The following GABRG1 variants were observed in gnomAD, a reference collection of about 807,000 sequenced individuals.
The protein encoded by GABRG1 is gamma-aminobutyric acid type A receptor subunit gamma1.
A neutral mutation model predicts 49.8 loss-of-function variants in GABRG1; 49 were observed. That is an observed-to-expected ratio of 0.98 (90% CI 0.78 to 1.25). GABRG1 has a LOEUF of 1.25. Ranked by LOEUF, GABRG1 falls within the 50% of genes most tolerant of loss-of-function variation. The pLI is 0.00. For missense variants in GABRG1, 552 were observed against 552.3 expected (o/e 1.00, Z 0.01); for synonymous variants, 232 against 185.1 (o/e 1.25, Z -2.06).
chr4:46,121,691 A>C (rs553944855), intron 1 of GABRG1, among the ~76,000 whole-genome samples: 13 of 152,130 alleles, frequency 8.5e-5, no homozygotes, highest in Admixed American at 1.3e-4. Flanking sequence ...CTCATTCTTA[A>C]AAATTATGTT....
At chr4:46,101,576 G>T (rs886383796) in intron 1 of GABRG1, among the ~76,000 whole-genome samples, 2 of 151,596 alleles carry the variant, frequency 1.3e-5, no homozygotes, top group African/African-American at 4.8e-5. Flanking sequence ...CTAAAAATGT[G>T]CTAAGTGCTA....
chr4:46,042,842 A>T (rs922822523), intron 8 of GABRG1, among the ~76,000 whole-genome samples: 2 of 151,970 alleles, frequency 1.3e-5, no homozygotes, highest in Non-Finnish European at 2.9e-5. Context: ...CTTGAGGATA[A>T]GGAGAAATGC....
rs183634810 is a variant in GABRG1 at position 46,106,891 on chromosome 4, C to A, written c.105-9542G>T. On this transcript the variant is annotated intron_variant, in intron 1 of 8. Coordinates refer to ENST00000295452, the MANE Select transcript of GABRG1 (RefSeq NM_173536.4). ...CCTAATTCATCTTTCCAGCTCCAAA[C>A]GCAACTACATTTAATCATTTTTTTA... is the stretch of plus-strand genomic sequence containing the variant. Among the ~76,000 whole-genome samples the A allele has an allele frequency of 3.3e-5, 5 of 150,988 alleles. No individual in the cohort carries two copies. The East Asian group carries it at 9.8e-4, about 30-fold the overall frequency.
At chr4:46,068,508 A>C (rs984054793) in intron 3 of GABRG1, among the ~76,000 whole-genome samples, 4 of 152,074 alleles carry the variant, frequency 2.6e-5, no homozygotes, top group Non-Finnish European at 5.9e-5. Context: ...TTTCCAAAGG[A>C]TCAGAAATGG....
intron 7 of GABRG1, among the ~76,000 whole-genome samples, chr4:46,054,722 T>TAAAGA (rs1718368101): frequency 1.1e-4 from 1 of 9,042 alleles, no homozygotes; most frequent in African/African-American, 7.0e-4. Flanking sequence ...TTGCTGAAGT[T>TAAAGA]GCTTATCAGC....
chr4:46,041,692 G>A (rs1717793302), intron 8 of GABRG1, among the ~76,000 whole-genome samples: 1 of 152,010 alleles, frequency 6.6e-6, no homozygotes, highest in Non-Finnish European at 1.5e-5. Flanking sequence ...AAAGGTTTGT[G>A]AAGATATGAA....
At chr4:46,099,423 A>G (rs949970913) in intron 1 of GABRG1, among the ~76,000 whole-genome samples, 1 of 151,746 alleles carries the variant, frequency 6.6e-6, no homozygotes, top group African/African-American at 2.4e-5. Flanking sequence ...CTGAACTACA[A>G]TGGACATGTA....
intron 8 of GABRG1, among the ~76,000 whole-genome samples, chr4:46,050,747 C>T (rs544201629): frequency 6.6e-6 from 1 of 151,866 alleles, no homozygotes; most frequent in South Asian, 2.1e-4. Context: ...ATCATTGAAC[C>T]TCTACTTAGA....
intron 8 of GABRG1, among the ~76,000 whole-genome samples, chr4:46,048,536 T>C (rs1718091361): frequency 6.8e-6 from 1 of 147,104 alleles, no homozygotes; most frequent in Non-Finnish European, 1.5e-5. Context: ...CTATTGAAAA[T>C]ATCCCACCAT....
chr4:46,113,394 C>G (rs1184367259), intron 1 of GABRG1, among the ~76,000 whole-genome samples: 1 of 150,902 alleles, frequency 6.6e-6, no homozygotes, highest in African/African-American at 2.4e-5. Context: ...CCTGAGAACT[C>G]ACTATCATGA....
chr4:46,065,249 A>G, intron 4 of GABRG1, 115 bp downstream of exon 4: 1 of 627,260 alleles, frequency 1.6e-6, no homozygotes, highest in South Asian at 2.2e-5. Context: ...TTAGCATGTG[A>G]AAGGAGCTCC....
At chr4:46,113,708 C>T (rs1720789962) in intron 1 of GABRG1, among the ~76,000 whole-genome samples, 1 of 151,080 alleles carries the variant, frequency 6.6e-6, no homozygotes, top group Non-Finnish European at 1.5e-5. Flanking sequence ...AGTGCCAACT[C>T]CAAAATGGTA....
chr4:46,044,508 T>G (rs1428336386), intron 8 of GABRG1, among the ~76,000 whole-genome samples: 1 of 151,506 alleles, frequency 6.6e-6, no homozygotes, highest in East Asian at 1.9e-4. Flanking sequence ...TTCCAGGAGG[T>G]GAATCTTGGT....
At chr4:46,095,411 A>G (rs1351133259) in intron 2 of GABRG1, among the ~76,000 whole-genome samples, 1 of 151,828 alleles carries the variant, frequency 6.6e-6, no homozygotes, top group Admixed American at 6.6e-5. Context: ...CTGAAATTAC[A>G]TTTTGAAAAA....
At position 46,039,664 on chromosome 4, in the gene GABRG1, T is replaced by C. The variant is rs1717679875; in HGVS notation, c.*1324A>G. 6.6e-6 allele frequency: 1 copy of C among 151,726 alleles called. No homozygotes were observed. The highest frequency in any genetic ancestry group is 6.6e-5 in the Admixed American group (1 of 15,180). The allele number at this position is 151,726 out of a possible 1,614,324, so 9.4% of individuals were successfully genotyped here. On this transcript the variant is annotated 3_prime_UTR_variant, in exon 9 of 9. Coordinates refer to ENST00000295452, the MANE Select transcript of GABRG1 (RefSeq NM_173536.4). ...ATAAACAATTGGTATGTCAAGCTAC[T>C]TACAGGATTATAATGATTGAAGCCT... is the stretch of plus-strand genomic sequence containing the variant.
chr4:46,053,422 G>A (rs548393906), intron 7 of GABRG1, among the ~76,000 whole-genome samples: 1 of 140,858 alleles, frequency 7.1e-6, no homozygotes. Context: ...AACAATGAAT[G>A]AGAAAACAGT....
chr4:46,119,429 C>T (rs1721030348), intron 1 of GABRG1, among the ~76,000 whole-genome samples: 1 of 151,492 alleles, frequency 6.6e-6, no homozygotes, highest in Admixed American at 6.6e-5. Context: ...GTTTCAGCAC[C>T]TATCAGCAAG....
chr4:46,097,163 A>G (rs768087765), intron 2 of GABRG1, 38 bp downstream of exon 2: 4 of 1,550,984 alleles, frequency 2.6e-6, no homozygotes, highest in Non-Finnish European at 3.5e-6. Context: ...GATATGTTTA[A>G]TGGTCATCAA....
intron 1 of GABRG1, among the ~76,000 whole-genome samples, chr4:46,101,852 C>T (rs1720391263): frequency 6.6e-6 from 1 of 151,402 alleles, no homozygotes; most frequent in South Asian, 2.1e-4. Flanking sequence ...TGAAAAATAA[C>T]AGAAAACAGT....
Sources: gnomAD v4.1 joint callset for allele counts (sites outside exome capture counted in the v4.1 genomes callset) on GRCh38, gnomAD v4.1.1 for gene constraint, MANE v1.5 for transcripts, NCBI Gene and HGNC (gene_info 2026-07-23, HGNC 2026-07-21) for gene names.